MTA3: variants seen among roughly 807,000 people sequenced by gnomAD.
MTA3 encodes metastasis associated 1 family member 3, also known as metastasis-associated protein MTA3.
MTA3 carries 34 observed loss-of-function variants against 83.5 expected under a neutral mutation model. The ratio of observed to expected loss-of-function variants is 0.41; its 90% CI spans 0.31 to 0.54. The LOEUF (loss-of-function observed/expected upper bound fraction) is 0.54. Ranked by LOEUF, MTA3 falls within the 20% of genes least tolerant of loss-of-function variation. The probability of loss-of-function intolerance (pLI) is 0.33; values close to 1 mark genes in which losing one functional copy is unlikely to be tolerated. For synonymous variants in MTA3, 303 were observed against 252.7 expected, an observed-to-expected ratio of 1.20 and a Z score of -1.89; for missense variants, 761 against 726.4, an observed-to-expected ratio of 1.05 and a Z score of -0.55.
In MTA3 at chr2:42,704,268, C is replaced by T. The variant is rs745501128; in HGVS notation, c.1100C>T (p.Thr367Met). Residue 367 changes from threonine to methionine, a missense_variant, in exon 12 of 17, where the codon ACG (threonine) becomes ATG (methionine). Physicochemically the swap from Thr to Met is moderately conservative, Grantham distance 81. Coordinates refer to ENST00000405094, the MANE Select transcript of MTA3 (RefSeq NM_001330442.2). ...PGAVNGAVGT[T>M]FQPQNPLLGR... ...GCTGTGAATGGAGCTGTGGGGACCA[C>T]GTTCCAGCCTCAGAATCCTCTCTTA... 7 of 1,613,840 alleles carry T rather than the reference C, an allele frequency of 4.3e-6. No individual in the cohort carries two copies. The highest frequency in any genetic ancestry group is 1.1e-5 in the South Asian group (1 of 91,082).
intron 8 of MTA3, among the ~76,000 whole-genome samples, chr2:42,664,080 C>G (rs935749750): frequency 6.6e-6 from 1 of 152,158 alleles, no homozygotes; most frequent in Non-Finnish European, 1.5e-5. Flanking sequence ...ATTACCTCTT[C>G]TATCTACCCT....
rs554206202 is a variant in MTA3 at position 42,658,145 on chromosome 2, A to G, written c.603-1618A>G. On this transcript the variant is annotated intron_variant, in intron 7 of 16. Transcript: ENST00000405094. ...AAGACCACAGTCAAATACCACTGCC[A>G]ATCCACCAGAATGGTTAAAATTTTA... Among the ~76,000 whole-genome samples, 112 of 151,122 alleles carry G rather than the reference A, an allele frequency of 7.4e-4. 1 individual carries two copies. The South Asian group carries it at 0.023, about 31-fold the overall frequency.
intron 3 of MTA3, among the ~76,000 whole-genome samples, chr2:42,597,009 A>T (rs145827288): frequency 0.01 from 1,544 of 151,880 alleles, 22 homozygotes; most frequent in African/African-American, 0.034. Context: ...GGTTCAAGCA[A>T]TTCTCCTCCC....
At chr2:42,735,017 A>G (rs1334804417) in intron 16 of MTA3, among the ~76,000 whole-genome samples, 1 of 152,134 alleles carries the variant, frequency 6.6e-6, no homozygotes, top group African/African-American at 2.4e-5. Context: ...ACACTGTTAT[A>G]ATATTCTGTG....
At chr2:42,745,780 GTA>G (rs1346640291) in intron 16 of MTA3, among the ~76,000 whole-genome samples, 26 of 136,238 alleles carry the variant, frequency 1.9e-4, no homozygotes, top group African/African-American at 6.7e-4. Context: ...CTGTTATTGG[GTA>G]TATTTGTATT....
At chr2:42,639,842 AACTG>A (rs1687543605) in intron 4 of MTA3, among the ~76,000 whole-genome samples, 1 of 152,178 alleles carries the variant, frequency 6.6e-6, no homozygotes, top group Non-Finnish European at 1.5e-5. Context: ...TAGGTTCAGA[AACTG>A]ACTCTTAGTC....
chr2:42,670,844 T>C (rs1690726916), intron 8 of MTA3, among the ~76,000 whole-genome samples: 2 of 151,894 alleles, frequency 1.3e-5, no homozygotes, highest in Non-Finnish European at 2.9e-5. Flanking sequence ...TTCCTAAAAA[T>C]AAAAACCAAG....
chr2:42,735,777 C>G (rs1301033466), intron 16 of MTA3, among the ~76,000 whole-genome samples: 2 of 152,148 alleles, frequency 1.3e-5, no homozygotes, highest in Non-Finnish European at 2.9e-5. Context: ...ATGTCAATTG[C>G]ATTTTTCGCT....
At chr2:42,644,432 C>T (rs1379895038) in intron 6 of MTA3, among the ~76,000 whole-genome samples, 188 bp downstream of exon 6, 3 of 152,128 alleles carry the variant, frequency 2.0e-5, no homozygotes, top group Non-Finnish European at 4.4e-5. Flanking sequence ...CGCTATGTTG[C>T]CAAGGCTGGT....
At chr2:42,748,480 TCTA>T (rs1396503534) in intron 16 of MTA3, among the ~76,000 whole-genome samples, 1 of 152,220 alleles carries the variant, frequency 6.6e-6, no homozygotes, top group Non-Finnish European at 1.5e-5. Flanking sequence ...CAGTATCAAA[TCTA>T]CTATTAGTCC....
intron 8 of MTA3, among the ~76,000 whole-genome samples, chr2:42,673,403 A>G (rs181105807): frequency 7.0e-4 from 106 of 152,244 alleles, no homozygotes; most frequent in African/African-American, 2.3e-3. Flanking sequence ...GTTTTTTACA[A>G]TGGGTTTATC....
At chr2:42,644,811 A>C (rs890452124) in intron 6 of MTA3, among the ~76,000 whole-genome samples, 8 of 152,160 alleles carry the variant, frequency 5.3e-5, no homozygotes, top group African/African-American at 1.7e-4. Flanking sequence ...CCCATATGAA[A>C]GGATAAACTG....
intron 4 of MTA3, among the ~76,000 whole-genome samples, chr2:42,611,426 G>A (rs1558498271): frequency 6.6e-6 from 1 of 151,992 alleles, no homozygotes; most frequent in Non-Finnish European, 1.5e-5. Flanking sequence ...TCCATGGCAG[G>A]AAGTATGTGA....
intron 3 of MTA3, 58 bp from the exon 4 acceptor site, chr2:42,609,400 A>C: frequency 6.6e-7 from 1 of 1,524,222 alleles, no homozygotes; most frequent in Non-Finnish European, 9.0e-7. Context: ...ATCTGTTTCA[A>C]TATCCAAACA....
intron 4 of MTA3, among the ~76,000 whole-genome samples, chr2:42,619,930 CA>C (rs2104179989): frequency 6.6e-6 from 1 of 152,236 alleles, no homozygotes; most frequent in East Asian, 1.9e-4. Flanking sequence ...AAAACAAAGG[CA>C]AGTTCTACTT....
At chr2:42,556,975 G>T (rs1004102670) in intron 2 of MTA3, among the ~76,000 whole-genome samples, 2 of 152,152 alleles carry the variant, frequency 1.3e-5, no homozygotes, top group African/African-American at 4.8e-5. Flanking sequence ...CCTACGAAAC[G>T]CTGGAAACTT....
intron 2 of MTA3, among the ~76,000 whole-genome samples, chr2:42,518,893 G>A (rs745697364): frequency 6.6e-5 from 10 of 151,746 alleles, no homozygotes; most frequent in Non-Finnish European, 1.3e-4. Context: ...CTGAGCCTTC[G>A]AGGTTGAAGC....
chr2:42,555,457 A>AC (rs1385512694), intron 2 of MTA3, among the ~76,000 whole-genome samples: 1 of 146,176 alleles, frequency 6.8e-6, no homozygotes, highest in African/African-American at 2.5e-5. Context: ...CTCCATCTCA[A>AC]AAAAAAAAAA....
intron 2 of MTA3, among the ~76,000 whole-genome samples, chr2:42,520,361 C>T (rs185454868): frequency 2.6e-5 from 4 of 152,250 alleles, no homozygotes; most frequent in Admixed American, 6.5e-5. Context: ...AAACCAATGA[C>T]CCTCTTTATT....
Sources: allele counts gnomAD v4.1 joint callset (sites outside exome capture counted in the v4.1 genomes callset), GRCh38; gene constraint gnomAD v4.1.1; transcripts MANE v1.5; gene names NCBI Gene and HGNC (gene_info 2026-07-23, HGNC 2026-07-21).